The following SMAD5 variants were observed in gnomAD, a reference collection of about 807,000 sequenced individuals.
SMAD5 encodes the protein MAD, mothers against decapentaplegic homolog 5.
SMAD5 carries 9 observed loss-of-function variants against 43.1 expected under a neutral mutation model. That is an observed-to-expected ratio of 0.21 (90% CI 0.13 to 0.36). The LOEUF (loss-of-function observed/expected upper bound fraction) is 0.36, where lower values mean the gene tolerates loss of function less well. Among genes scored for constraint, SMAD5 ranks in the 10% least tolerant of loss-of-function variants. The probability of loss-of-function intolerance (pLI) is 1.00; values close to 1 mark genes in which losing one functional copy is unlikely to be tolerated. For synonymous variants in SMAD5, 190 were observed against 192.4 expected (o/e 0.99, Z 0.10); for missense variants, 348 against 574.0 (o/e 0.61, Z 4.02).
chr5:136,133,058 G>A (rs776333311), intron 1 of SMAD5, 96 bp downstream of exon 1: 1 of 152,492 alleles, frequency 6.6e-6, no homozygotes, highest in East Asian at 1.9e-4. Context: ...GTTCGGCCGC[G>A]GACGGAGCGG....
intron 1 of SMAD5, among the ~76,000 whole-genome samples, chr5:136,143,755 C>T (rs1032379271): frequency 3.3e-5 from 5 of 151,816 alleles, no homozygotes; most frequent in African/African-American, 1.2e-4. Flanking sequence ...TCCTTAAGCT[C>T]CTATTCACTT....
intron 5 of SMAD5, among the ~76,000 whole-genome samples, chr5:136,166,481 C>G (rs993981674): frequency 2.6e-5 from 4 of 151,956 alleles, no homozygotes; most frequent in Non-Finnish European, 5.9e-5. Context: ...ATTAATTTGC[C>G]TATAATTTAA....
At chr5:136,162,531 A>G (rs747099653) in intron 4 of SMAD5, among the ~76,000 whole-genome samples, 5 of 152,222 alleles carry the variant, frequency 3.3e-5, no homozygotes, top group African/African-American at 4.8e-5. Context: ...AAATTTTCAT[A>G]GTTTGTCTTA....
intron 3 of SMAD5, among the ~76,000 whole-genome samples, chr5:136,155,451 T>G (rs950410878): frequency 6.6e-6 from 1 of 152,206 alleles, no homozygotes; most frequent in Non-Finnish European, 1.5e-5. Flanking sequence ...TAATTGGTCT[T>G]TCTGCGTCTC....
rs1298263724 is a variant in SMAD5 at position 136,182,425 on chromosome 5, G to A, written c.*4945G>A. Reference sequence around the variant, plus strand: ...ATTCACTTATTTTAAAATCGAAGAGGATTGTAATCATGGAAATAGAATGTT... The same window carrying A: ...ATTCACTTATTTTAAAATCGAAGAGAATTGTAATCATGGAAATAGAATGTT... On this transcript the variant is annotated 3_prime_UTR_variant, in exon 8 of 8. Coordinates refer to ENST00000545279, the MANE Select transcript of SMAD5 (RefSeq NM_005903.7). The A allele has an allele frequency of 6.6e-6, 1 of 152,446 alleles. No individual in the cohort carries two copies. Among genetic ancestry groups the A allele is most frequent in the East Asian group, 1.9e-4 (1 of 5,204 alleles). The allele number at this position is 152,446 out of a possible 1,614,324, so 9.4% of individuals were successfully genotyped here.
In SMAD5 at chr5:136,181,962, A is replaced by T. The variant is rs1276365649; in HGVS notation, c.*4482A>T. On this transcript the variant is annotated 3_prime_UTR_variant, in exon 8 of 8. Coordinates refer to ENST00000545279, the MANE Select transcript of SMAD5 (RefSeq NM_005903.7). The stretch of plus-strand genomic sequence containing the variant: ...GTGATAAGTTATTTTCTCTGAAAAG[A>T]TCCAGTCCTAGAGCAGGATTCTTCG... The T allele has an allele frequency of 6.6e-6, 1 of 152,218 alleles. No homozygotes were observed. The highest frequency in any genetic ancestry group is 1.5e-5 in the Non-Finnish European group (1 of 68,032). 9.4% of individuals were successfully genotyped at this position (152,218 alleles called of 1,614,324 possible).
At chr5:136,169,230 A>G (rs1754132625) in intron 5 of SMAD5, among the ~76,000 whole-genome samples, 1 of 152,154 alleles carries the variant, frequency 6.6e-6, no homozygotes, top group South Asian at 2.1e-4. Flanking sequence ...AGCACAGGAG[A>G]AAGATGAAGG....
chr5:136,169,701 C>T (rs940566374), intron 5 of SMAD5, among the ~76,000 whole-genome samples: 1 of 152,154 alleles, frequency 6.6e-6, no homozygotes, highest in Non-Finnish European at 1.5e-5. Flanking sequence ...GGCCAAAGTG[C>T]CTTCTAAAAT....
rs989813030 is a variant in SMAD5, at chr5:136,132,881, C to T, written c.-326C>T. ...GGGCGAGCGGGCGCCGTGCGCGTGT[C>T]CCGCGGCCGAGCTGCTAATAAAGTT... is the stretch of plus-strand genomic sequence containing the variant. On this transcript the variant is annotated 5_prime_UTR_variant, in exon 1 of 8. Coordinates refer to ENST00000545279, the MANE Select transcript of SMAD5 (RefSeq NM_005903.7). 6.6e-6 allele frequency: 1 copy of T among 152,300 alleles called. No individual in the cohort carries two copies. Among genetic ancestry groups the T allele is most frequent in the East Asian group, 1.9e-4 (1 of 5,202 alleles). The allele number at this position is 152,300 out of a possible 1,614,324, so 9.4% of individuals were successfully genotyped here.
At chr5:136,174,309 A>T in intron 6 of SMAD5, 67 bp from the exon 7 acceptor site, 1 of 1,482,580 alleles carries the variant, frequency 6.7e-7, no homozygotes, top group African/African-American at 1.4e-5. Context: ...TTGTTGCACC[A>T]TACAGTCTAT....
intron 5 of SMAD5, among the ~76,000 whole-genome samples, chr5:136,165,702 G>A (rs972810066): frequency 4.0e-4 from 12 of 29,784 alleles, no homozygotes; most frequent in Non-Finnish European, 7.0e-4. Flanking sequence ...TTTTTTTTGT[G>A]ACTGGCTTAT....
chr5:136,156,049 C>T (rs1417399416), intron 3 of SMAD5, among the ~76,000 whole-genome samples: 1 of 152,160 alleles, frequency 6.6e-6, no homozygotes, highest in East Asian at 1.9e-4. Context: ...GGGTCCTTTG[C>T]AAGGCGCTGT....
intron 1 of SMAD5, among the ~76,000 whole-genome samples, chr5:136,143,717 T>G (rs1271969836): frequency 6.6e-6 from 1 of 151,928 alleles, no homozygotes; most frequent in African/African-American, 2.4e-5. Flanking sequence ...AATTTGTGCT[T>G]ATATGACAAG....
Position 136,141,612 on chromosome 5 carries a change from C to T in SMAD5, c.-244-6220C>T, listed in dbSNP as rs548101078. ...CTAGTGCTGATAAACCCCTGCATGTCCTACAATGTCTGCTAGTTAGTAGGT... is the reference window on the plus strand; with the variant it reads ...CTAGTGCTGATAAACCCCTGCATGTTCTACAATGTCTGCTAGTTAGTAGGT... On this transcript the variant is annotated intron_variant, in intron 1 of 7. Coordinates refer to ENST00000545279, the MANE Select transcript of SMAD5 (RefSeq NM_005903.7). Among the ~76,000 whole-genome samples, 7 of 152,268 alleles carry T rather than the reference C, an allele frequency of 4.6e-5. No individual in the cohort carries two copies. In the South Asian group the frequency reaches 1.5e-3, roughly 32 times the overall value.
chr5:136,138,266 G>T (rs997981126), intron 1 of SMAD5, among the ~76,000 whole-genome samples: 1 of 152,218 alleles, frequency 6.6e-6, no homozygotes, highest in Non-Finnish European at 1.5e-5. Flanking sequence ...AGATTATGCA[G>T]TGAGAAGTGT....
intron 4 of SMAD5, 112 bp from the exon 5 acceptor site, chr5:136,163,160 G>A: frequency 1.2e-6 from 1 of 829,870 alleles, no homozygotes; most frequent in East Asian, 2.8e-5. Flanking sequence ...ATTTTTTTGT[G>A]TGTGATGTTC....
chr5:136,164,214 C>T (rs771200212), intron 5 of SMAD5, among the ~76,000 whole-genome samples: 38 of 152,022 alleles, frequency 2.5e-4, no homozygotes, highest in Non-Finnish European at 4.7e-4. Context: ...AAACAAAAAT[C>T]GCATGTAAGT....
chr5:136,138,605 A>G (rs1205499764), intron 1 of SMAD5, among the ~76,000 whole-genome samples: 3 of 152,150 alleles, frequency 2.0e-5, no homozygotes, highest in Non-Finnish European at 4.4e-5. Flanking sequence ...GTGGTTGTCT[A>G]CTTGCTGACA....
At chr5:136,175,120 C>G (rs540974576) in intron 7 of SMAD5, among the ~76,000 whole-genome samples, 1 of 152,148 alleles carries the variant, frequency 6.6e-6, no homozygotes, top group Non-Finnish European at 1.5e-5. Context: ...GGGGAAACCC[C>G]TTATAAAACT....
Sources: allele counts gnomAD v4.1 joint callset (sites outside exome capture counted in the v4.1 genomes callset), GRCh38; gene constraint gnomAD v4.1.1; transcripts MANE v1.5; gene names NCBI Gene and HGNC (gene_info 2026-07-23, HGNC 2026-07-21).